The following TMPRSS7 variants were observed in gnomAD, a reference collection of about 807,000 sequenced individuals.
TMPRSS7 encodes the protein transmembrane serine protease 7.
A neutral mutation model predicts 95.6 loss-of-function variants in TMPRSS7; 81 were observed. That is an observed-to-expected ratio of 0.85 (90% CI 0.71 to 1.02). TMPRSS7 has a LOEUF of 1.02. TMPRSS7 is among the 50% of genes least tolerant of loss of function. The pLI, the probability that TMPRSS7 is intolerant of heterozygous loss-of-function variation, is 0.00. For synonymous variants in TMPRSS7, 364 were observed against 337.8 expected, an observed-to-expected ratio of 1.08 and a Z score of -0.85; for missense variants, 945 against 955.2, an observed-to-expected ratio of 0.99 and a Z score of 0.14.
intron 1 of TMPRSS7, among the ~76,000 whole-genome samples, chr3:112,037,567 T>C (rs982030887): frequency 3.9e-5 from 6 of 152,226 alleles, no homozygotes; most frequent in Non-Finnish European, 7.3e-5. Context: ...TGCCTTGTGA[T>C]ATTTTATTGC....
At chr3:112,071,296 G>A (rs2073642878) in intron 13 of TMPRSS7, among the ~76,000 whole-genome samples, 1 of 152,142 alleles carries the variant, frequency 6.6e-6, no homozygotes, top group Non-Finnish European at 1.5e-5. Flanking sequence ...TGGCTTGTAG[G>A]GTTTCTGCCG....
intron 2 of TMPRSS7, among the ~76,000 whole-genome samples, chr3:112,038,884 G>T (rs1304073522): frequency 6.6e-6 from 1 of 152,018 alleles, no homozygotes; most frequent in African/African-American, 2.4e-5. Flanking sequence ...AAGAGGAGGA[G>T]ATTGGGGATA....
In TMPRSS7 at chr3:112,039,900, G is replaced by T. The variant is rs563059154; in HGVS notation, c.298+1579G>T. Among the ~76,000 whole-genome samples, 3 of 152,258 alleles carry T rather than the reference G, an allele frequency of 2.0e-5. No homozygotes were observed. The East Asian group carries it at 5.8e-4, about 29-fold the overall frequency. On this transcript the variant is annotated intron_variant, in intron 2 of 17. Coordinates refer to ENST00000452346, the Ensembl canonical transcript of TMPRSS7. ...CTTCTGATTGGGATCTGCATTGGGG[G>T]GCAGTCTAGTAAGAATGTGCCTTTA...
rs2073217243 is a variant in TMPRSS7 at position 112,042,148 on chromosome 3, G to T, written c.429+98G>T. On this transcript the variant is annotated intron_variant, in intron 3 of 17. Coordinates refer to ENST00000452346, the Ensembl canonical transcript of TMPRSS7. Reference sequence around the variant, plus strand: ...AACACAAGTGTCACAGGTGAGCAGGGTTTAGGGAAGTAGAGGGCAGGGTAG... The same window carrying T: ...AACACAAGTGTCACAGGTGAGCAGGTTTTAGGGAAGTAGAGGGCAGGGTAG... 12 of 965,476 alleles carry T rather than the reference G, an allele frequency of 1.2e-5. No homozygotes were observed. The South Asian group carries it at 1.4e-4, about 11-fold the overall frequency. The allele number at this position is 965,476 out of a possible 1,614,324, so 59.8% of individuals were successfully genotyped here. A position where few individuals can be genotyped will look rare whatever the true frequency, so the allele number is the denominator to read the frequency against.
At chr3:112,044,719 G>GA (rs1430019121) in intron 4 of TMPRSS7, among the ~76,000 whole-genome samples, 2 of 152,026 alleles carry the variant, frequency 1.3e-5, no homozygotes, top group Admixed American at 6.6e-5. Context: ...ATAATTTTTA[G>GA]AAAAAATCGT....
At chr3:112,044,081 G>A (rs950531584) in intron 3 of TMPRSS7, among the ~76,000 whole-genome samples, 174 bp from the exon 4 acceptor site, 3 of 152,180 alleles carry the variant, frequency 2.0e-5, no homozygotes, top group Non-Finnish European at 4.4e-5. Context: ...GATTGTTGCA[G>A]GAAGAATTTA....
At chr3:112,067,777 G>T (rs1444217828) in intron 13 of TMPRSS7, among the ~76,000 whole-genome samples, 1 of 152,164 alleles carries the variant, frequency 6.6e-6, no homozygotes, top group Non-Finnish European at 1.5e-5. Flanking sequence ...CCATTCTGTA[G>T]GTTGCCTGTT....
chr3:112,057,095 G>A (rs373464287), exon 10 of TMPRSS7: 2 of 1,613,188 alleles, frequency 1.2e-6, no homozygotes, highest in Non-Finnish European at 1.7e-6. Context: ...AGTATGAAAG[G>A]CTGTGAGCAT....
At chr3:112,067,578 C>A (rs1451528068) in intron 13 of TMPRSS7, among the ~76,000 whole-genome samples, 2 of 152,178 alleles carry the variant, frequency 1.3e-5, no homozygotes, top group Non-Finnish European at 2.9e-5. Context: ...CTCTGATGAC[C>A]AGTGATGATG....
At chr3:112,035,724 C>T (rs945675931) in intron 1 of TMPRSS7, among the ~76,000 whole-genome samples, 1 of 152,102 alleles carries the variant, frequency 6.6e-6, no homozygotes, top group African/African-American at 2.4e-5. Flanking sequence ...TGAAGCTAAA[C>T]TCTTGAATAC....
chr3:112,044,145 G>C (rs2073247034), intron 3 of TMPRSS7, 110 bp from the exon 4 acceptor site: 1 of 702,544 alleles, frequency 1.4e-6, no homozygotes, highest in South Asian at 1.7e-5. Context: ...TTATTTTGAG[G>C]CTTGCATTTC....
intron 8 of TMPRSS7, 40 bp downstream of exon 8, chr3:112,050,014 T>C (rs768926119): frequency 1.3e-6 from 2 of 1,506,676 alleles, no homozygotes. Context: ...CTTTTAGAAA[T>C]ATTTGTAATG....
intron 14 of TMPRSS7, among the ~76,000 whole-genome samples, chr3:112,074,796 A>G (rs563318540): frequency 1.3e-5 from 2 of 152,328 alleles, no homozygotes; most frequent in African/African-American, 2.4e-5. Flanking sequence ...TGACTCAATA[A>G]CTAATCTCCC....
rs1161735611 is a variant in TMPRSS7, at chr3:112,054,729, C to CTTTTTTTTTTTTTTTTTTTTT, written c.1204-2287_1204-2267dup. ...AACATATTTACTATCTCTCAGTTTG[C>CTTTTTTTTTTTTTTTTTTTTT]TTTTTTTTTTTTTTTTTTTTTTTTT... is the stretch of plus-strand genomic sequence containing the variant. On this transcript the variant is annotated intron_variant, in intron 9 of 17. Coordinates refer to ENST00000452346, the Ensembl canonical transcript of TMPRSS7. Among the ~76,000 whole-genome samples, 23 of 49,024 alleles carry CTTTTTTTTTTTTTTTTTTTTT rather than the reference C, an allele frequency of 4.7e-4. 7 individuals are homozygous for CTTTTTTTTTTTTTTTTTTTTT. Among genetic ancestry groups the CTTTTTTTTTTTTTTTTTTTTT allele is most frequent in the African/African-American group, 1.0e-3 (13 of 13,020 alleles). The allele number at this position is 49,024 out of a possible 152,430, so 32.2% of individuals were successfully genotyped here.
At chr3:112,039,751 T>G (rs965309326) in intron 2 of TMPRSS7, 2 of 152,214 alleles carry the variant, frequency 1.3e-5, no homozygotes, top group African/African-American at 2.4e-5. Context: ...GAAGGAATAG[T>G]AAGTAAAGTG....
At chr3:112,044,869 C>T (rs943253824) in intron 4 of TMPRSS7, among the ~76,000 whole-genome samples, 4 of 150,980 alleles carry the variant, frequency 2.6e-5, no homozygotes, top group African/African-American at 9.7e-5. Context: ...CCTTCCATTT[C>T]CCAAGTCATT....
At chr3:112,075,288 A>G in intron 14 of TMPRSS7, 33 bp from the exon 15 acceptor site, 6 of 1,369,950 alleles carry the variant, frequency 4.4e-6, no homozygotes, top group Non-Finnish European at 5.7e-6. Context: ...TTCCAAGTCT[A>G]CCTTTAAATC....
chr3:112,072,974 C>T (rs2073668483), intron 13 of TMPRSS7, among the ~76,000 whole-genome samples: 1 of 152,166 alleles, frequency 6.6e-6, no homozygotes, highest in Admixed American at 6.5e-5. Context: ...AGTTCTAGAT[C>T]CCTGAGGAAT....
exon 6 of TMPRSS7, chr3:112,047,004 T>C: frequency 1.4e-6 from 1 of 702,836 alleles, no homozygotes. Context: ...TCGTCAACCA[T>C]AGGATCTGGT....
Sources: gnomAD v4.1 joint callset for allele counts (sites outside exome capture counted in the v4.1 genomes callset) on GRCh38, gnomAD v4.1.1 for gene constraint, MANE v1.5 for transcripts, NCBI Gene and HGNC (gene_info 2026-07-23, HGNC 2026-07-21) for gene names.